FBXW7: variants seen among roughly 807,000 people sequenced by gnomAD.
FBXW7 encodes F-box and WD repeat domain containing 7.
In FBXW7, 11 loss-of-function variants were observed where a neutral mutation model predicts 86.3. The observed-to-expected ratio is 0.13, with a 90% CI of 0.08 to 0.21. FBXW7 has a LOEUF of 0.21. Ranked by LOEUF, FBXW7 falls within the 10% of genes least tolerant of loss-of-function variation. FBXW7 has a pLI of 1.00. For synonymous variants in FBXW7, 313 were observed against 297.9 expected, an observed-to-expected ratio of 1.05 and a Z score of -0.52; for missense variants, 488 against 847.4, an observed-to-expected ratio of 0.58 and a Z score of 5.27.
chr4:152,524,957 C>T (rs1431987085), intron 2 of FBXW7, among the ~76,000 whole-genome samples: 1 of 152,100 alleles, frequency 6.6e-6, no homozygotes, highest in African/African-American at 2.4e-5. Flanking sequence ...AGAAAACTTA[C>T]AACCCAAATA....
chr4:152,336,255 CTT>C (rs1421179493), intron 7 of FBXW7, among the ~76,000 whole-genome samples: 1 of 151,996 alleles, frequency 6.6e-6, no homozygotes, highest in Non-Finnish European at 1.5e-5. Context: ...TAAAAGAACA[CTT>C]AAACTGAGAG....
chr4:152,529,333 T>C (rs908872596), intron 2 of FBXW7, among the ~76,000 whole-genome samples: 2 of 152,102 alleles, frequency 1.3e-5, no homozygotes, highest in African/African-American at 4.8e-5. Context: ...GTACTAACAT[T>C]GTCAGATTAT....
intron 4 of FBXW7, chr4:152,352,400 TAC>T: frequency 6.3e-7 from 1 of 1,590,862 alleles, no homozygotes; most frequent in Admixed American, 1.7e-5. Flanking sequence ...TCTCTGATGA[TAC>T]AGATTTTCCT....
intron 2 of FBXW7, among the ~76,000 whole-genome samples, chr4:152,488,136 G>C (rs948042372): frequency 2.2e-4 from 34 of 151,946 alleles, no homozygotes; most frequent in African/African-American, 7.5e-4. Flanking sequence ...ATTTGCTTTT[G>C]TCAATCACTT....
At chr4:152,376,708 A>G (rs1203016687) in intron 4 of FBXW7, among the ~76,000 whole-genome samples, 1 of 152,122 alleles carries the variant, frequency 6.6e-6, no homozygotes, top group South Asian at 2.1e-4. Context: ...TTTTTTGGTC[A>G]TAATTGTCAA....
At chr4:152,383,260 A>C (rs1195971073) in intron 4 of FBXW7, among the ~76,000 whole-genome samples, 1 of 152,066 alleles carries the variant, frequency 6.6e-6, no homozygotes, top group African/African-American at 2.4e-5. Flanking sequence ...CTAGTGCCTA[A>C]TTTCTCCTTC....
chr4:152,526,769 C>T (rs1037310574), intron 2 of FBXW7, among the ~76,000 whole-genome samples: 6 of 152,106 alleles, frequency 3.9e-5, no homozygotes, highest in African/African-American at 9.7e-5. Flanking sequence ...TATTCAAAAA[C>T]GGATTCTTTT....
intron 10 of FBXW7, 114 bp downstream of exon 10, chr4:152,329,558 C>T (rs1729366047): frequency 3.9e-6 from 2 of 518,066 alleles, no homozygotes; most frequent in Non-Finnish European, 6.7e-6. Flanking sequence ...CTGATATTTG[C>T]TATCCAAATA....
intron 2 of FBXW7, among the ~76,000 whole-genome samples, chr4:152,417,469 G>T (rs374796867): frequency 5.3e-5 from 8 of 152,206 alleles, no homozygotes; most frequent in African/African-American, 1.2e-4. Context: ...CCAAAATTTG[G>T]GAGTCAAAGC....
intron 2 of FBXW7, among the ~76,000 whole-genome samples, chr4:152,486,288 A>C (rs575494156): frequency 6.6e-6 from 1 of 152,246 alleles, no homozygotes; most frequent in South Asian, 2.1e-4. Context: ...ACCACACTAC[A>C]TCTATTTTTA....
chr4:152,434,252 T>C (rs777035643), intron 2 of FBXW7, among the ~76,000 whole-genome samples: 1 of 152,228 alleles, frequency 6.6e-6, no homozygotes, highest in Non-Finnish European at 1.5e-5. Context: ...CTATTATTTA[T>C]TGTCTGTGTA....
At chr4:152,361,803 TA>T (rs1732969337) in intron 4 of FBXW7, among the ~76,000 whole-genome samples, 1 of 151,446 alleles carries the variant, frequency 6.6e-6, no homozygotes, top group Non-Finnish European at 1.5e-5. Context: ...CCGACTCTAC[TA>T]AAAATACAAA....
chr4:152,346,774 C>A, intron 6 of FBXW7, 156 bp downstream of exon 6: 1 of 971,342 alleles, frequency 1.0e-6, no homozygotes, highest in Non-Finnish European at 1.5e-6. Flanking sequence ...AACATGTGGC[C>A]TTTTGTGTCT....
At chr4:152,455,070 G>A (rs975120773) in intron 2 of FBXW7, among the ~76,000 whole-genome samples, 14 of 152,210 alleles carry the variant, frequency 9.2e-5, no homozygotes, top group African/African-American at 2.6e-4. Flanking sequence ...AAAGGAAGCT[G>A]TAAAAAGACT....
intron 2 of FBXW7, among the ~76,000 whole-genome samples, chr4:152,433,188 GCATT>G (rs1346999103): frequency 6.6e-6 from 1 of 152,138 alleles, no homozygotes; most frequent in Non-Finnish European, 1.5e-5. Context: ...GCTGCTATAA[GCATT>G]CTTGTGCCAG....
intron 4 of FBXW7, among the ~76,000 whole-genome samples, chr4:152,410,665 T>C (rs1000163673): frequency 2.0e-5 from 3 of 152,200 alleles, no homozygotes; most frequent in African/African-American, 7.2e-5. Flanking sequence ...ATATTGTTTA[T>C]GGCCTAAAAT....
intron 2 of FBXW7, among the ~76,000 whole-genome samples, chr4:152,470,672 ATCAAG>A (rs1262150250): frequency 2.6e-5 from 4 of 152,144 alleles, no homozygotes; most frequent in Non-Finnish European, 4.4e-5. Context: ...AATCCTTTGC[ATCAAG>A]TCGAGTCCAA....
At chr4:152,429,960 T>C (rs996326732) in intron 2 of FBXW7, among the ~76,000 whole-genome samples, 2 of 152,146 alleles carry the variant, frequency 1.3e-5, no homozygotes, top group African/African-American at 4.8e-5. Flanking sequence ...AGGCATATTT[T>C]ATGGCTTTGT....
chr4:152,479,542 T>C (rs1744700225), intron 2 of FBXW7, among the ~76,000 whole-genome samples: 1 of 152,126 alleles, frequency 6.6e-6, no homozygotes, highest in African/African-American at 2.4e-5. Context: ...TCTTACAGAA[T>C]GTCCCACATC....
Sources: allele counts gnomAD v4.1 joint callset (sites outside exome capture counted in the v4.1 genomes callset), GRCh38; gene constraint gnomAD v4.1.1; transcripts MANE v1.5; gene names NCBI Gene and HGNC (gene_info 2026-07-23, HGNC 2026-07-21).